SF3B1: variants seen among roughly 807,000 people sequenced by gnomAD.
The protein encoded by SF3B1 is pre-mRNA processing 10.
SF3B1 carries 12 observed loss-of-function variants against 153.8 expected under a neutral mutation model. The ratio of observed to expected loss-of-function variants is 0.08; its 90% CI spans 0.05 to 0.13. The LOEUF (loss-of-function observed/expected upper bound fraction) is 0.13. SF3B1 is among the 10% of genes least tolerant of loss of function. SF3B1 has a pLI of 1.00. For missense variants in SF3B1, 513 were observed against 1,606.1 expected, an observed-to-expected ratio of 0.32 and a Z score of 11.63; for synonymous variants, 498 against 525.2, an observed-to-expected ratio of 0.95 and a Z score of 0.71.
chr2:197,412,212 T>C (rs2085079428), intron 6 of SF3B1, among the ~76,000 whole-genome samples: 1 of 151,926 alleles, frequency 6.6e-6, no homozygotes, highest in Admixed American at 6.6e-5. Context: ...CTGGCATCTG[T>C]CCCTCCTGCT....
At chr2:197,404,879 T>C (rs2084973466) in intron 11 of SF3B1, 197 bp downstream of exon 11, 1 of 452,466 alleles carries the variant, frequency 2.2e-6, no homozygotes. Context: ...TTAAAAACAT[T>C]TTTAAAAATA....
Position 197,408,432 on chromosome 2 carries a change from C to A in SF3B1, c.1054G>T (p.Val352Phe). Residue 352 changes from valine to phenylalanine, a missense_variant, in exon 8 of 25, where the codon GTT becomes TTT. Around this residue, in one of 21 missense-constraint regions of SF3B1, gnomAD observed 91 missense variants for 157.4 expected, o/e 0.58. Coordinates refer to ENST00000335508, the MANE Select transcript of SF3B1 (RefSeq NM_012433.4). ...PASQMGGSTPVLTPGKTPIGT... is the reference protein window; with the variant it reads ...PASQMGGSTPFLTPGKTPIGT... ...ATTGGTGTCTTTCCAGGGGTCAGAA[C>A]TGGAGTGCTTCCACCCATCTGACTA... 6.2e-7 allele frequency: 1 copy of A among 1,614,150 alleles called. No individual in the cohort carries two copies. Among genetic ancestry groups the A allele is most frequent in the Non-Finnish European group, 8.5e-7 (1 of 1,180,030 alleles).
In SF3B1 at chr2:197,408,418, T is replaced by G; in HGVS notation, c.1068A>C (p.Gly356=). 6.2e-7 allele frequency: 1 copy of G among 1,614,204 alleles called. No individual in the cohort carries two copies. Among genetic ancestry groups the G allele is most frequent in the Non-Finnish European group, 8.5e-7 (1 of 1,180,030 alleles). Residue 356 remains glycine (G), a synonymous_variant, in exon 8 of 25, where the codon GGA becomes GGC. Transcript: ENST00000335508. ...MGGSTPVLTP[G]KTPIGTPAMN... ...TGGCTGGTGTGCCAATTGGTGTCTT[T>G]CCAGGGGTCAGAACTGGAGTGCTTC...
At chr2:197,408,626 T>A in intron 7 of SF3B1, 45 bp from the exon 8 acceptor site, 1 of 1,182,222 alleles carries the variant, frequency 8.5e-7, no homozygotes, top group Non-Finnish European at 1.3e-6. Context: ...TAATCACTGT[T>A]AAAATAATAT....
intron 4 of SF3B1, 157 bp from the exon 5 acceptor site, chr2:197,418,745 A>C: frequency 6.9e-7 from 1 of 1,454,454 alleles, no homozygotes. Context: ...CTTACTTTTT[A>C]TTGAGTTTGC....
At chr2:197,425,631 G>A (rs1170966333) in intron 1 of SF3B1, among the ~76,000 whole-genome samples, 3 of 151,992 alleles carry the variant, frequency 2.0e-5, no homozygotes, top group Non-Finnish European at 4.4e-5. Context: ...AGATGTGCAG[G>A]ATAACAAAAT....
intron 8 of SF3B1, 50 bp downstream of exon 8, chr2:197,408,319 T>C (rs980458805): frequency 1.3e-6 from 2 of 1,552,350 alleles, no homozygotes; most frequent in Non-Finnish European, 1.8e-6. Flanking sequence ...AGGAAAAAAT[T>C]AAATAATTTA....
At chr2:197,393,958 T>TGG (rs1222504499) in intron 23 of SF3B1, among the ~76,000 whole-genome samples, 1 of 152,084 alleles carries the variant, frequency 6.6e-6, no homozygotes, top group Non-Finnish European at 1.5e-5. Flanking sequence ...CCGAGGCAGA[T>TGG]GGATCACCTG....
Position 197,403,055 on chromosome 2 carries a change from A to C in SF3B1, c.1720-20T>G. 1 of 1,402,946 alleles carries C rather than the reference A, an allele frequency of 7.1e-7. No homozygotes were observed. Among genetic ancestry groups the C allele is most frequent in the Non-Finnish European group, 1.0e-6 (1 of 994,250 alleles). 86.9% of individuals were successfully genotyped at this position (1,402,946 alleles called of 1,614,324 possible). On this transcript the variant is annotated intron_variant, in intron 12 of 24. Coordinates refer to ENST00000335508, the MANE Select transcript of SF3B1 (RefSeq NM_012433.4). ...GAGGATCTGAAAAAGAGAAAAGAGAAGAAGCTACACTTTCACATCAATTAC... is the reference window on the plus strand; with the variant it reads ...GAGGATCTGAAAAAGAGAAAAGAGACGAAGCTACACTTTCACATCAATTAC...
intron 5 of SF3B1, among the ~76,000 whole-genome samples, chr2:197,417,618 A>T (rs1419045193): frequency 6.6e-6 from 1 of 150,922 alleles, no homozygotes; most frequent in African/African-American, 2.4e-5. Context: ...TTAGCCAGGC[A>T]TGGCGGTGCA....
intron 23 of SF3B1, chr2:197,393,485 C>T: frequency 3.0e-6 from 1 of 331,830 alleles, no homozygotes; most frequent in African/African-American, 2.2e-5. Flanking sequence ...CGGAGTCTTA[C>T]TCTGTCACCC....
rs2105986423 is a variant in SF3B1 at position 197,402,541 on chromosome 2, T to A, written c.2077+15A>T. ...AAAGAAAAAAAAAAAAAGACAAAGT[T>A]ACATTACAACTTACCATGTTCAATG... is the stretch of plus-strand genomic sequence containing the variant. On this transcript the variant is annotated intron_variant, in intron 14 of 24. Coordinates refer to ENST00000335508, the MANE Select transcript of SF3B1 (RefSeq NM_012433.4). The surrounding 1 kb of genome is among the most constrained non-coding windows in gnomAD (Gnocchi z 4.6). 1.9e-6 allele frequency: 3 copies of A among 1,595,024 alleles called. No individual in the cohort carries two copies. The highest frequency in any genetic ancestry group is 2.3e-5 in the South Asian group (2 of 87,260).
intron 6 of SF3B1, among the ~76,000 whole-genome samples, chr2:197,415,489 C>A (rs997701708): frequency 6.6e-6 from 1 of 152,054 alleles, no homozygotes; most frequent in African/African-American, 2.4e-5. Context: ...CTCCTGACCT[C>A]AAGATCCGCC....
intron 1 of SF3B1, among the ~76,000 whole-genome samples, chr2:197,434,610 T>C (rs1574565960): frequency 6.6e-6 from 1 of 152,220 alleles, no homozygotes; most frequent in African/African-American, 2.4e-5. Context: ...CTGCACAAAC[T>C]ATGGGGACGA....
rs2084810234 is a variant in SF3B1 at position 197,391,561 on chromosome 2, T to G, written c.*742A>C. On this transcript the variant is annotated 3_prime_UTR_variant, in exon 25 of 25. Transcript: ENST00000335508. ...TAATAGGCAGAAAGCAGTTTTGAAG[T>G]AAAGTTAAATTCCTCACTTGCTAAA... The G allele has an allele frequency of 2.0e-5, 3 of 152,260 alleles. No individual in the cohort carries two copies. The highest frequency in any genetic ancestry group is 1.3e-4 in the Admixed American group (2 of 15,292). 9.4% of individuals were successfully genotyped at this position (152,260 alleles called of 1,614,324 possible).
rs759522862 is a variant in SF3B1, at chr2:197,435,011, G to C, written c.-12C>G. The C allele has an allele frequency of 9.9e-6, 16 of 1,614,138 alleles. No homozygotes were observed. The highest frequency in any genetic ancestry group is 2.2e-5 in the East Asian group (1 of 44,906). ...GCGATCTTCGCCATTTTGTCCACTC[G>C]AACACACAGACGGAACTGGCGCTCC... is the stretch of plus-strand genomic sequence containing the variant. On this transcript the variant is annotated 5_prime_UTR_variant, in exon 1 of 25. Transcript: ENST00000335508.
At chr2:197,431,448 G>A (rs551135752) in intron 1 of SF3B1, among the ~76,000 whole-genome samples, 28 of 152,130 alleles carry the variant, frequency 1.8e-4, no homozygotes, top group African/African-American at 5.8e-4. Context: ...CTTAGATCCT[G>A]CTAAACCCAA....
intron 23 of SF3B1, among the ~76,000 whole-genome samples, chr2:197,394,995 ATTC>A (rs2084859283): frequency 1.3e-5 from 2 of 152,222 alleles, no homozygotes; most frequent in Non-Finnish European, 2.9e-5. Context: ...ATTTACTAAT[ATTC>A]TTGTTTTTCC....
intron 11 of SF3B1, 129 bp from the exon 12 acceptor site, chr2:197,403,893 A>G (rs1034105696): frequency 6.8e-5 from 43 of 633,996 alleles, no homozygotes; most frequent in Non-Finnish European, 1.8e-5. Context: ...TTTTACATAG[A>G]CAGCATGAGT....
Sources: allele counts gnomAD v4.1 joint callset (sites outside exome capture counted in the v4.1 genomes callset), GRCh38; gene constraint gnomAD v4.1.1; regional missense constraint gnomAD v4.1.1; non-coding constraint Gnocchi (gnomAD v3.1); transcripts MANE v1.5; gene names NCBI Gene and HGNC (gene_info 2026-07-23, HGNC 2026-07-21).